Variants in ZNF282 observed in about 807,000 individuals in gnomAD.
The protein encoded by ZNF282 is HTLV-I U5 repressive element-binding protein 1.
In ZNF282, 30 loss-of-function variants were observed where a neutral mutation model predicts 61.9. The ratio of observed to expected loss-of-function variants is 0.48; its 90% CI spans 0.36 to 0.66. ZNF282 has a LOEUF of 0.66. Ranked by LOEUF, ZNF282 falls within the 30% of genes least tolerant of loss-of-function variation. The pLI, the probability that ZNF282 is intolerant of heterozygous loss-of-function variation, is 0.00. For missense variants in ZNF282, 788 were observed against 941.4 expected (o/e 0.84, Z 2.13); for synonymous variants, 396 against 405.0 (o/e 0.98, Z 0.27).
chr7:149,195,839 C>G, intron 1 of ZNF282, 85 bp downstream of exon 1: 2 of 1,182,482 alleles, frequency 1.7e-6, no homozygotes, highest in Non-Finnish European at 2.1e-6. Context: ...GCGCCGTCCT[C>G]CGGTAGCCTT....
At chr7:149,202,437 A>G (rs947139537) in intron 2 of ZNF282, among the ~76,000 whole-genome samples, 1 of 150,784 alleles carries the variant, frequency 6.6e-6, no homozygotes, top group Non-Finnish European at 1.5e-5. Flanking sequence ...TCAGCCTCCC[A>G]AGTAGCTGGG....
intron 2 of ZNF282, among the ~76,000 whole-genome samples, chr7:149,201,096 T>C (rs1795901467): frequency 6.6e-6 from 1 of 152,242 alleles, no homozygotes; most frequent in South Asian, 2.1e-4. Context: ...GCCTGAGACC[T>C]GTTCTACCTG....
At chr7:149,206,891 C>A (rs1266822373) in intron 3 of ZNF282, 69 bp downstream of exon 3, 3 of 1,586,032 alleles carry the variant, frequency 1.9e-6, no homozygotes, top group African/African-American at 1.4e-5. Flanking sequence ...TATTTGTCCA[C>A]GTTAGCACCG....
intron 1 of ZNF282, among the ~76,000 whole-genome samples, chr7:149,196,063 C>G (rs1249716222): frequency 6.6e-6 from 1 of 152,000 alleles, no homozygotes; most frequent in Non-Finnish European, 1.5e-5. Flanking sequence ...AGAGCTCTGA[C>G]CCTGTGGCTG....
intron 6 of ZNF282, among the ~76,000 whole-genome samples, chr7:149,212,748 T>C (rs1480365629): frequency 6.6e-6 from 1 of 152,118 alleles, no homozygotes; most frequent in Non-Finnish European, 1.5e-5. Flanking sequence ...ACCTGGCTCA[T>C]TTTTTGTATT....
Position 149,212,465 on chromosome 7 carries a change from A to G in ZNF282, c.1060A>G (p.Asn354Asp). The G allele has an allele frequency of 1.2e-6, 2 of 1,610,370 alleles. No homozygotes were observed. The highest frequency in any genetic ancestry group is 8.5e-7 in the Non-Finnish European group (1 of 1,177,878). ...AGACAGAGATATTCCCACGGATCCC[A>G]ATTCAGGTGAGAACAAGGTCAGAAT... ...LADRDIPTDP[N>D]SESLISAHDI... Residue 354 changes from asparagine to aspartate, a missense_variant, in exon 6 of 8, where the codon AAT (asparagine) becomes GAT (aspartate). Asn to Asp is a conservative substitution (Grantham distance 23, BLOSUM62 1). Around this residue, in one of 3 missense-constraint regions of ZNF282, gnomAD observed 559 missense variants for 642.0 expected, o/e 0.87. Transcript: ENST00000610704.
intron 2 of ZNF282, among the ~76,000 whole-genome samples, chr7:149,205,641 C>G (rs545069905): frequency 1.3e-5 from 2 of 152,064 alleles, no homozygotes; most frequent in African/African-American, 4.8e-5. Flanking sequence ...ATGGCATTCT[C>G]AGAGTTACAA....
At position 149,213,748 on chromosome 7, in the gene ZNF282, G is replaced by A; in HGVS notation, c.1114G>A (p.Glu372Lys). 2 of 1,613,940 alleles carry A rather than the reference G, an allele frequency of 1.2e-6. No individual in the cohort carries two copies. The highest frequency in any genetic ancestry group is 1.1e-5 in the South Asian group (1 of 91,058). Residue 372 changes from glutamate (E) to lysine (K), a missense_variant, in exon 7 of 8, where the codon GAG (glutamate) becomes AAG (lysine). Glu to Lys is a moderately conservative substitution (Grantham distance 56). This residue lies in a region of ZNF282 where 559 missense variants were observed against 642.0 expected (regional missense o/e 0.87). Coordinates refer to ENST00000610704, the MANE Select transcript of ZNF282 (RefSeq NM_003575.4). ...HDILSWIKQE[E>K]QPYPWGPRDS... is the part of the protein sequence containing the mutation. Reference sequence around the variant, plus strand: ...CATTTTGTCATGGATCAAGCAGGAGGAGCAGCCATACCCATGGGGACCACG... The same window carrying A: ...CATTTTGTCATGGATCAAGCAGGAGAAGCAGCCATACCCATGGGGACCACG...
chr7:149,210,799 G>A (rs1196413609), intron 5 of ZNF282, 95 bp downstream of exon 5: 5 of 1,440,996 alleles, frequency 3.5e-6, no homozygotes, highest in Non-Finnish European at 4.6e-6. Context: ...TGTCACATGT[G>A]CCAGGCCAGA....
Position 149,198,896 on chromosome 7 carries a change from A to G in ZNF282, c.585+144A>G. On this transcript the variant is annotated intron_variant, in intron 2 of 7. Coordinates refer to ENST00000610704, the MANE Select transcript of ZNF282 (RefSeq NM_003575.4). The surrounding 1 kb of genome is among the most constrained non-coding windows in gnomAD (Gnocchi z 4.3). ...CAGTGTCTTCTTAAAGCCTGTCTCC[A>G]CTGAAACAACCTGGTCTTGGACGTT... is the stretch of plus-strand genomic sequence containing the variant. The G allele has an allele frequency of 8.6e-7, 1 of 1,165,628 alleles. No homozygotes were observed. Among genetic ancestry groups the G allele is most frequent in the Non-Finnish European group, 1.2e-6 (1 of 850,192 alleles). The allele number at this position is 1,165,628 out of a possible 1,614,324, so 72.2% of individuals were successfully genotyped here. A position where few individuals can be genotyped will look rare whatever the true frequency, so the allele number is the denominator to read the frequency against.
chr7:149,212,323 T>C lies in ZNF282; in HGVS notation c.953-35T>C, dbSNP rs1336803587. On this transcript the variant is annotated intron_variant, in intron 5 of 7. Transcript: ENST00000610704. ...CAAACTTGCAGGAGATTTCGCATCT[T>C]CTAACACCTTTGCCGCTCTTGTTCC... 2.0e-6 allele frequency: 3 copies of C among 1,519,430 alleles called. No individual in the cohort carries two copies. The Admixed American group carries it at 5.8e-5, about 29-fold the overall frequency. The allele number at this position is 1,519,430 out of a possible 1,614,324, so 94.1% of individuals were successfully genotyped here.
chr7:149,197,300 A>C (rs185053965), intron 1 of ZNF282, among the ~76,000 whole-genome samples: 3 of 152,218 alleles, frequency 2.0e-5, no homozygotes, highest in Non-Finnish European at 4.4e-5. Context: ...TGTGAGGGAC[A>C]TCCCCTCTTC....
chr7:149,224,077 GGGC>G lies in ZNF282; in HGVS notation c.1454_1456del (p.Gly485del). ...GCGGCGGGGGCGATGGGGGCGGTGG[GGGC>G]GGCGGCGCGGAGGCGGGGACGGGGG... On this transcript the variant is annotated inframe_deletion, in exon 8 of 8. Transcript: ENST00000610704. 8.1e-7 allele frequency: 1 copy of G among 1,233,790 alleles called. No individual in the cohort carries two copies. Among genetic ancestry groups the G allele is most frequent in the Non-Finnish European group, 1.0e-6 (1 of 988,346 alleles). 76.4% of individuals were successfully genotyped at this position (1,233,790 alleles called of 1,614,324 possible). A position where few individuals can be genotyped will look rare whatever the true frequency, so the allele number is the denominator to read the frequency against.
chr7:149,222,838 G>C (rs1213962412), intron 7 of ZNF282, among the ~76,000 whole-genome samples: 1 of 151,944 alleles, frequency 6.6e-6, no homozygotes, highest in Non-Finnish European at 1.5e-5. Context: ...AGTAGAGATG[G>C]GGTTTCACTA....
chr7:149,224,259 A>G lies in ZNF282; in HGVS notation c.1628A>G (p.Glu543Gly). The G allele has an allele frequency of 6.2e-7, 1 of 1,612,306 alleles. No individual in the cohort carries two copies. Among genetic ancestry groups the G allele is most frequent in the Non-Finnish European group, 8.5e-7 (1 of 1,179,798 alleles). The change falls in exon 8 of 8, where the codon GAG (glutamate) becomes GGG (glycine). Residue 543 changes from glutamate (E) to glycine (G), a missense_variant. Transcript: ENST00000610704. ...ATCCACCACCGCAGCCACACCAAGG[A>G]GCGGCCCTACGAGTGCGCTGAGTGC... Reference protein sequence around the residue: ...LIIHHRSHTKERPYECAECEK... With the variant: ...LIIHHRSHTKGRPYECAECEK...
At chr7:149,197,128 C>T (rs1795831104) in intron 1 of ZNF282, among the ~76,000 whole-genome samples, 1 of 152,234 alleles carries the variant, frequency 6.6e-6, no homozygotes, top group South Asian at 2.1e-4. Flanking sequence ...CCCCCCTTAG[C>T]CATAGGTCTC....
chr7:149,218,796 A>G (rs1014800473), intron 7 of ZNF282, among the ~76,000 whole-genome samples: 2 of 152,194 alleles, frequency 1.3e-5, no homozygotes, highest in African/African-American at 4.8e-5. Flanking sequence ...AATGACTCAT[A>G]GAACTCAGGA....
intron 3 of ZNF282, 98 bp downstream of exon 3, chr7:149,206,920 T>C: frequency 6.7e-7 from 1 of 1,484,568 alleles, no homozygotes. Flanking sequence ...GGTTGTTTCA[T>C]ATTTTTATGT....
chr7:149,223,031 A>C (rs751194324), intron 7 of ZNF282, among the ~76,000 whole-genome samples: 1 of 138,872 alleles, frequency 7.2e-6, no homozygotes, highest in Non-Finnish European at 1.6e-5. Flanking sequence ...GGCCAGTGCA[A>C]TGGCAAGATC....
Sources: gnomAD v4.1 joint callset for allele counts (sites outside exome capture counted in the v4.1 genomes callset) on GRCh38, gnomAD v4.1.1 for gene constraint, gnomAD v4.1.1 regional missense constraint, Gnocchi (gnomAD v3.1) non-coding constraint, MANE v1.5 for transcripts, NCBI Gene and HGNC (gene_info 2026-07-23, HGNC 2026-07-21) for gene names.